The following DCUN1D4 variants were observed in gnomAD, a reference collection of about 807,000 sequenced individuals.
DCUN1D4 encodes defective in cullin neddylation 1 domain containing 4.
DCUN1D4 carries 22 observed loss-of-function variants against 47.9 expected under a neutral mutation model. The ratio of observed to expected loss-of-function variants is 0.46; its 90% CI spans 0.33 to 0.66. DCUN1D4 has a LOEUF of 0.66. Ranked by LOEUF, DCUN1D4 falls within the 30% of genes least tolerant of loss-of-function variation. DCUN1D4 has a pLI of 0.02. For missense variants in DCUN1D4, 301 were observed against 340.8 expected (o/e 0.88, Z 0.92); for synonymous variants, 121 against 112.2 (o/e 1.08, Z -0.50).
In DCUN1D4 at chr4:51,906,428, A is replaced by G. The variant is rs1179092705; in HGVS notation, c.616-4642A>G. Reference sequence around the variant, plus strand: ...ATCAGAGAAATCCTCTTGAAGCTTAACCTAAATCTCCTGCAATCATTTGGA... The same window carrying G: ...ATCAGAGAAATCCTCTTGAAGCTTAGCCTAAATCTCCTGCAATCATTTGGA... On this transcript the variant is annotated intron_variant, in intron 8 of 10. Coordinates refer to ENST00000334635, the MANE Select transcript of DCUN1D4 (RefSeq NM_001040402.3). Among the ~76,000 whole-genome samples, 3 of 152,228 alleles carry G rather than the reference A, an allele frequency of 2.0e-5. No homozygotes were observed. The East Asian group carries it at 5.8e-4, about 29-fold the overall frequency.
At chr4:51,874,450 A>C (rs1055834991) in intron 4 of DCUN1D4, 65 bp downstream of exon 4, 4 of 1,228,452 alleles carry the variant, frequency 3.3e-6, no homozygotes, top group Admixed American at 4.3e-5. Context: ...ATTTCTACCT[A>C]ATTCAGTGTG....
In DCUN1D4 at chr4:51,848,618, TAGG is replaced by T. The variant is rs1214705521; in HGVS notation, c.25+5354_25+5356del. On this transcript the variant is annotated intron_variant, in intron 1 of 10. Transcript: ENST00000334635. ...GCTTTTTTTCTTTTGAAATTTACAT[TAGG>T]AGAAGTACCTCTTGAGAAGTATTCT... 5.9e-5 allele frequency among the ~76,000 whole-genome samples: 9 copies of T among 152,350 alleles called. No individual in the cohort carries two copies. The East Asian group carries it at 1.3e-3, about 23-fold the overall frequency.
At chr4:51,863,250 T>G (rs2109900027) in intron 1 of DCUN1D4, among the ~76,000 whole-genome samples, 187 bp from the exon 2 acceptor site, 1 of 152,350 alleles carries the variant, frequency 6.6e-6, no homozygotes, top group East Asian at 1.9e-4. Flanking sequence ...TAACATTTGG[T>G]TGGGAATTTA....
chr4:51,835,828 G>C, the DCUN1D4 span, among the ~76,000 whole-genome samples: 1 of 152,174 alleles, frequency 6.6e-6, no homozygotes, highest in Non-Finnish European at 1.5e-5. Flanking sequence ...CCCCTGTTTG[G>C]AGCTGGAATT....
intron 1 of DCUN1D4, chr4:51,843,787 G>A: frequency 2.0e-6 from 1 of 500,608 alleles, no homozygotes; most frequent in Non-Finnish European, 2.4e-6. Flanking sequence ...GGGAAGAAGG[G>A]CTGGTTGGCG....
At chr4:51,881,384 C>T (rs1471185907) in intron 5 of DCUN1D4, among the ~76,000 whole-genome samples, 1 of 152,088 alleles carries the variant, frequency 6.6e-6, no homozygotes, top group Non-Finnish European at 1.5e-5. Flanking sequence ...ACAGTTGCAA[C>T]AAATAATAAA....
chr4:51,885,911 A>G (rs937035534), intron 5 of DCUN1D4, among the ~76,000 whole-genome samples: 1 of 152,206 alleles, frequency 6.6e-6, no homozygotes, highest in African/African-American at 2.4e-5. Context: ...GATAAAACAA[A>G]GACTGAATTT....
At chr4:51,851,400 A>T (rs1042547553) in intron 1 of DCUN1D4, among the ~76,000 whole-genome samples, 1 of 152,096 alleles carries the variant, frequency 6.6e-6, no homozygotes, top group Non-Finnish European at 1.5e-5. Context: ...GAAGAACAGG[A>T]TGTGTATGCA....
chr4:51,844,974 T>C (rs1286275199), intron 1 of DCUN1D4: 1 of 985,206 alleles, frequency 1.0e-6, no homozygotes, highest in Non-Finnish European at 1.2e-6. Context: ...CCAGCCCTTC[T>C]CCCTTGGGAG....
intron 1 of DCUN1D4, among the ~76,000 whole-genome samples, chr4:51,858,117 A>AT (rs35368849): frequency 2.2e-4 from 34 of 152,160 alleles, no homozygotes; most frequent in Non-Finnish European, 3.7e-4. Flanking sequence ...TAAGGAGGTG[A>AT]TTTTTAAGAA....
At position 51,874,303 on chromosome 4, in the gene DCUN1D4, T is replaced by C; in HGVS notation, c.169T>C (p.Phe57Leu). The change falls in exon 4 of 11, where the codon TTT becomes CTT. Residue 57 changes from phenylalanine to leucine, a missense_variant. Phe to Leu is a conservative substitution (Grantham distance 22). Transcript: ENST00000334635. ...GCGGTCTTGCAGTTCTTCAGACTGC[T>C]TTAATAAAGTGATGCCACCAAGGAA... Reference protein sequence around the residue: ...SLRSCSSSDCFNKVMPPRKKR... With the variant: ...SLRSCSSSDCLNKVMPPRKKR... The C allele has an allele frequency of 6.2e-7, 1 of 1,613,424 alleles. No individual in the cohort carries two copies. The highest frequency in any genetic ancestry group is 2.2e-5 in the East Asian group (1 of 44,850).
In DCUN1D4 at chr4:51,913,891, G is replaced by T; in HGVS notation, c.*307G>T. ...GTATAAAAGGAAAAAGGTTCACCTA[G>T]AGATTATTTCTGAAAAATGTATTGT... is the stretch of plus-strand genomic sequence containing the variant. On this transcript the variant is annotated 3_prime_UTR_variant, in exon 11 of 11. Transcript: ENST00000334635. The T allele has an allele frequency of 3.7e-6, 1 of 273,800 alleles. No homozygotes were observed. The highest frequency in any genetic ancestry group is 6.7e-6 in the Non-Finnish European group (1 of 148,228). 17.0% of individuals were successfully genotyped at this position (273,800 alleles called of 1,614,324 possible). A position where few individuals can be genotyped will look rare whatever the true frequency, so the allele number is the denominator to read the frequency against.
rs573026916 is a variant in DCUN1D4, at chr4:51,858,562, A to C, written c.26-4875A>C. 9.8e-5 allele frequency among the ~76,000 whole-genome samples: 15 copies of C among 152,358 alleles called. No homozygotes were observed. The East Asian group carries it at 2.7e-3, about 27-fold the overall frequency. ...TGGAATTAATTTTAATTTGTTCTAC[A>C]TGCTGACCAGTTGCCCCTCTGTTTA... On this transcript the variant is annotated intron_variant, in intron 1 of 10. Coordinates refer to ENST00000334635, the MANE Select transcript of DCUN1D4 (RefSeq NM_001040402.3).
intron 8 of DCUN1D4, among the ~76,000 whole-genome samples, chr4:51,910,079 C>A (rs1037700885): frequency 6.6e-6 from 1 of 152,156 alleles, no homozygotes; most frequent in Non-Finnish European, 1.5e-5. Flanking sequence ...CATTTAGATT[C>A]CACTGCACTG....
chr4:51,874,594 G>T lies in DCUN1D4; in HGVS notation c.251+209G>T. On this transcript the variant is annotated intron_variant, in intron 4 of 10. Transcript: ENST00000334635. ...ACAAATTAGGTAATTTGAATTCTTA[G>T]AAGTTAAAGTTTTATCTTAATCCAT... 3 of 432,794 alleles carry T rather than the reference G, an allele frequency of 6.9e-6. No individual in the cohort carries two copies. The South Asian group carries it at 1.1e-4, about 17-fold the overall frequency. The allele number at this position is 432,794 out of a possible 1,614,324, so 26.8% of individuals were successfully genotyped here. A position where few individuals can be genotyped will look rare whatever the true frequency, so the allele number is the denominator to read the frequency against.
intron 3 of DCUN1D4, among the ~76,000 whole-genome samples, chr4:51,866,756 A>G (rs1431838248): frequency 1.3e-5 from 2 of 152,242 alleles, no homozygotes; most frequent in Admixed American, 6.5e-5. Context: ...ATTCAGTTAA[A>G]CGAAAGTATA....
chr4:51,853,488 G>A (rs1723669877), intron 1 of DCUN1D4, among the ~76,000 whole-genome samples: 1 of 152,190 alleles, frequency 6.6e-6, no homozygotes, highest in South Asian at 2.1e-4. Flanking sequence ...TTCATCGTGT[G>A]CTGATAGGGT....
intron 8 of DCUN1D4, chr4:51,910,680 C>T (rs950409644): frequency 7.9e-5 from 14 of 177,670 alleles, no homozygotes; most frequent in South Asian, 1.7e-4. Context: ...CTTTAAGCTC[C>T]GTTGAGTTAT....
intron 7 of DCUN1D4, among the ~76,000 whole-genome samples, chr4:51,897,268 G>A (rs369451987): frequency 6.6e-6 from 1 of 152,098 alleles, no homozygotes; most frequent in Non-Finnish European, 1.5e-5. Context: ...ATAATTGCAG[G>A]CTTTTAGATA....
Sources: allele counts gnomAD v4.1 joint callset (sites outside exome capture counted in the v4.1 genomes callset), GRCh38; gene constraint gnomAD v4.1.1; transcripts MANE v1.5; gene names NCBI Gene and HGNC (gene_info 2026-07-23, HGNC 2026-07-21).